The following SAMD3 variants were observed in gnomAD, a reference collection of about 807,000 sequenced individuals.
SAMD3 encodes the protein sterile alpha motif domain containing 3.
A neutral mutation model predicts 58.5 loss-of-function variants in SAMD3; 63 were observed. That is an observed-to-expected ratio of 1.08 (90% CI 0.88 to 1.33). SAMD3 has a LOEUF of 1.33. SAMD3 is among the 40% of genes most tolerant of loss of function. The pLI is 0.00. For synonymous variants in SAMD3, 220 were observed against 210.3 expected, an observed-to-expected ratio of 1.05 and a Z score of -0.40; for missense variants, 604 against 608.4, an observed-to-expected ratio of 0.99 and a Z score of 0.08.
chr6:130,184,546 T>C lies in SAMD3; in HGVS notation c.461A>G (p.Tyr154Cys). Residue 154 changes from tyrosine (Y) to cysteine (C), a missense_variant, in exon 6 of 12, where the codon TAT becomes TGT. Physicochemically the swap from Tyr to Cys is radical, Grantham distance 194. Transcript: ENST00000439090. ...CTCTGCTAACATGCATTTGACATCA[T>C]AGGGAAACTCTGGTAAAACATAGGA... ...TKSYVLPEFPYDVKCMLAEQK... is the reference protein window; with the variant it reads ...TKSYVLPEFPCDVKCMLAEQK... 6.2e-7 allele frequency: 1 copy of C among 1,614,148 alleles called. No individual in the cohort carries two copies. The highest frequency in any genetic ancestry group is 8.5e-7 in the Non-Finnish European group (1 of 1,179,968).
intron 1 of SAMD3, among the ~76,000 whole-genome samples, chr6:130,356,068 A>C (rs966806650): frequency 4.6e-5 from 7 of 152,158 alleles, no homozygotes; most frequent in Non-Finnish European, 1.0e-4. Flanking sequence ...AGGATTGTGA[A>C]AATGCGAATC....
Position 130,155,008 on chromosome 6 carries a change from A to G in SAMD3, c.840T>C (p.Phe280=). ...LVQIKEEAVC[F]DSELDEHIKW... ...TAATATGTTCATCTAGCTCAGAATC[A>G]AAACAAACAGCTTCTTCCTGCAAAA... Residue 280 remains phenylalanine (F), a synonymous_variant, in exon 9 of 12, where the codon TTT becomes TTC. Coordinates refer to ENST00000439090, the MANE Select transcript of SAMD3 (RefSeq NM_001017373.4). The G allele has an allele frequency of 6.2e-7, 1 of 1,612,936 alleles. No homozygotes were observed.
rs573930917 is a variant in SAMD3, at chr6:130,157,485, C to T, written c.823-2460G>A. ...ATGGGCCTACAGGGCCATGCCACCA[C>T]ATCTGGTTAATTTTTGTATTTTTTG... On this transcript the variant is annotated intron_variant, in intron 8 of 11. Coordinates refer to ENST00000439090, the MANE Select transcript of SAMD3 (RefSeq NM_001017373.4). Among the ~76,000 whole-genome samples, 24 of 152,274 alleles carry T rather than the reference C, an allele frequency of 1.6e-4. No homozygotes were observed. The East Asian group carries it at 4.6e-3, about 29-fold the overall frequency.
chr6:130,150,299 G>A (rs1359218524), intron 9 of SAMD3, among the ~76,000 whole-genome samples: 1 of 152,124 alleles, frequency 6.6e-6, no homozygotes, highest in Non-Finnish European at 1.5e-5. Flanking sequence ...ACCTTGTGGG[G>A]CTGGGACAAG....
chr6:130,318,617 T>C lies in SAMD3; in HGVS notation c.-303-5524A>G, dbSNP rs530826807. On this transcript the variant is annotated intron_variant, in intron 1 of 13. Coordinates refer to the SAMD3 transcript ENST00000368134. ...CTAATTTTTGTATTTTTAGTAGTGA[T>C]GGGGTTTCACTATGTTGGCTAGGCT... Among the ~76,000 whole-genome samples, 9 of 152,164 alleles carry C rather than the reference T, an allele frequency of 5.9e-5. 1 individual carries two copies. Among genetic ancestry groups the C allele is most frequent in the African/African-American group, 2.2e-4 (9 of 41,526 alleles).
chr6:130,294,943 T>A (rs1413398634), intron 2 of SAMD3, among the ~76,000 whole-genome samples: 7 of 116,484 alleles, frequency 6.0e-5, no homozygotes, highest in Non-Finnish European at 1.2e-4. Context: ...TTTTTTTTTT[T>A]ACGGAGTTTT....
At chr6:130,232,533 C>T (rs1405894387) in intron 2 of SAMD3, among the ~76,000 whole-genome samples, 1 of 152,128 alleles carries the variant, frequency 6.6e-6, no homozygotes, top group Non-Finnish European at 1.5e-5. Flanking sequence ...ATCTACCTGT[C>T]AGCACAATTT....
chr6:130,344,715 T>G (rs1777386226), intron 1 of SAMD3, among the ~76,000 whole-genome samples: 1 of 151,368 alleles, frequency 6.6e-6, no homozygotes, highest in Admixed American at 6.6e-5. Context: ...CAGGGAATCC[T>G]TTGCTGCAGA....
chr6:130,337,720 A>G lies in SAMD3; in HGVS notation c.-303-24627T>C, dbSNP rs148728238. On this transcript the variant is annotated intron_variant, in intron 1 of 13. Transcript: ENST00000368134. ...GGTAGAGATGAGGAACTTACTGGGA[A>G]CTGGAGCAAAGGTTACTCTTGCTGT... Among the ~76,000 whole-genome samples, 408 of 152,324 alleles carry G rather than the reference A, an allele frequency of 2.7e-3. 1 individual carries two copies. The highest frequency in any genetic ancestry group is 9.2e-3 in the African/African-American group (383 of 41,582).
intron 1 of SAMD3, among the ~76,000 whole-genome samples, chr6:130,332,903 G>T (rs1378261374): frequency 6.6e-6 from 1 of 152,132 alleles, no homozygotes; most frequent in Non-Finnish European, 1.5e-5. Context: ...TGGAGGAACT[G>T]CTATAATTTT....
At chr6:130,315,758 T>G (rs534557586) in intron 1 of SAMD3, among the ~76,000 whole-genome samples, 1 of 152,214 alleles carries the variant, frequency 6.6e-6, no homozygotes, top group Non-Finnish European at 1.5e-5. Flanking sequence ...ATAAAATGAT[T>G]TTTTAAATAA....
intron 2 of SAMD3, among the ~76,000 whole-genome samples, chr6:130,248,575 C>T (rs909313074): frequency 2.0e-5 from 3 of 152,188 alleles, no homozygotes; most frequent in Non-Finnish European, 4.4e-5. Flanking sequence ...CTACTCACTA[C>T]ACTTGTCTGT....
At chr6:130,290,114 T>C (rs1425548720) in intron 2 of SAMD3, among the ~76,000 whole-genome samples, 2 of 152,142 alleles carry the variant, frequency 1.3e-5, no homozygotes, top group Non-Finnish European at 2.9e-5. Context: ...TATACAAATA[T>C]ACATGTATTA....
intron 5 of SAMD3, 146 bp downstream of exon 5, chr6:130,209,349 C>T (rs893304710): frequency 2.0e-6 from 1 of 501,708 alleles, no homozygotes; most frequent in Admixed American, 3.8e-5. Context: ...TACCAAGTAT[C>T]TTTATCGCTG....
At chr6:130,350,551 C>A (rs1777620057) in intron 1 of SAMD3, among the ~76,000 whole-genome samples, 1 of 152,104 alleles carries the variant, frequency 6.6e-6, no homozygotes. Context: ...AACTACAAAC[C>A]ACTGCTCGAT....
chr6:130,155,102 C>A, intron 8 of SAMD3, 77 bp from the exon 9 acceptor site: 1 of 1,108,478 alleles, frequency 9.0e-7, no homozygotes, highest in Non-Finnish European at 1.3e-6. Flanking sequence ...ATTGCACACT[C>A]TTAACTCATT....
intron 8 of SAMD3, among the ~76,000 whole-genome samples, chr6:130,155,927 G>A (rs1457025004): frequency 1.3e-5 from 2 of 152,158 alleles, no homozygotes; most frequent in Non-Finnish European, 2.9e-5. Context: ...TACAAATTTA[G>A]TTGGAAGATA....
intron 7 of SAMD3, chr6:130,176,273 T>C (rs1791718127): frequency 4.5e-6 from 2 of 447,664 alleles, no homozygotes; most frequent in Non-Finnish European, 4.0e-6. Flanking sequence ...ATATGGTTAT[T>C]GAGTAAATAT....
intron 2 of SAMD3, among the ~76,000 whole-genome samples, chr6:130,294,983 G>A (rs888497106): frequency 7.6e-6 from 1 of 130,874 alleles, no homozygotes; most frequent in African/African-American, 3.1e-5. Context: ...GAGTGCAACG[G>A]CACGATCTCA....
Sources: allele counts gnomAD v4.1 joint callset (sites outside exome capture counted in the v4.1 genomes callset), GRCh38; gene constraint gnomAD v4.1.1; transcripts MANE v1.5; gene names NCBI Gene and HGNC (gene_info 2026-07-23, HGNC 2026-07-21).